IQGAP2: variants seen among roughly 807,000 people sequenced by gnomAD.
The protein encoded by IQGAP2 is IQ motif containing GTPase activating protein 2.
Under a neutral mutation model 201.3 loss-of-function variants are expected in IQGAP2, and 173 were observed. The ratio of observed to expected loss-of-function variants is 0.86; its 90% CI spans 0.76 to 0.98. The LOEUF is 0.98. IQGAP2 is among the 50% of genes least tolerant of loss of function. The pLI is 0.00. For synonymous variants in IQGAP2, 675 were observed against 673.9 expected, an observed-to-expected ratio of 1.00 and a Z score of -0.03; for missense variants, 1,687 against 1,864.8, an observed-to-expected ratio of 0.90 and a Z score of 1.76.
intron 1 of IQGAP2, among the ~76,000 whole-genome samples, chr5:76,406,759 C>T (rs1580124992): frequency 6.6e-6 from 1 of 152,292 alleles, no homozygotes; most frequent in South Asian, 2.1e-4. Flanking sequence ...CACTGATAAC[C>T]CAATCAACAC....
At chr5:76,531,537 G>A (rs542335625) in intron 2 of IQGAP2, among the ~76,000 whole-genome samples, 13 of 152,194 alleles carry the variant, frequency 8.5e-5, no homozygotes, top group African/African-American at 3.1e-4. Flanking sequence ...CCGTTATGAC[G>A]TCAATACCTC....
At chr5:76,410,390 T>A (rs2150070373) in intron 1 of IQGAP2, among the ~76,000 whole-genome samples, 1 of 152,316 alleles carries the variant, frequency 6.6e-6, no homozygotes, top group East Asian at 1.9e-4. Context: ...TACCTTCTTG[T>A]TCTTTGAGAT....
chr5:76,691,102 C>T (rs771883497), intron 30 of IQGAP2, among the ~76,000 whole-genome samples: 4 of 152,360 alleles, frequency 2.6e-5, no homozygotes, highest in Non-Finnish European at 5.9e-5. Flanking sequence ...TGTCCGTCCC[C>T]GTCGTCCTTA....
intron 2 of IQGAP2, among the ~76,000 whole-genome samples, chr5:76,476,161 G>A (rs938210802): frequency 1.3e-5 from 2 of 152,198 alleles, no homozygotes; most frequent in African/African-American, 4.8e-5. Flanking sequence ...GTGCCTGTGT[G>A]TGGTTGGAGT....
intron 28 of IQGAP2, among the ~76,000 whole-genome samples, chr5:76,682,053 GAAAGAAGAGA>G (rs1441932675): frequency 4.6e-5 from 7 of 152,282 alleles, no homozygotes; most frequent in African/African-American, 1.4e-4. Flanking sequence ...CTAGGGGATA[GAAAGAAGAGA>G]TAATGGAGAG....
At chr5:76,574,508 G>A (rs1436564359) in intron 4 of IQGAP2, among the ~76,000 whole-genome samples, 1 of 95,612 alleles carries the variant, frequency 1.0e-5, no homozygotes, top group Non-Finnish European at 1.9e-5. Context: ...GACCTCAGGT[G>A]ATCGCCTGCC....
chr5:76,496,755 T>G (rs1561416439), intron 2 of IQGAP2, among the ~76,000 whole-genome samples: 1 of 80,214 alleles, frequency 1.2e-5, no homozygotes, highest in African/African-American at 5.6e-5. Context: ...CTTTCTTTCT[T>G]TCTTTCTTTC....
At position 76,611,184 on chromosome 5, in the gene IQGAP2, G is replaced by A. The variant is rs926623022; in HGVS notation, c.1521+1G>A. The stretch of plus-strand genomic sequence containing the variant: ...CCATGCTAAATCACAGAAACTCGGA[G>A]TAAGTTTTAGTATATCTGTTTCTTT... On this transcript the variant is annotated splice_donor_variant, in intron 13 of 35. Coordinates refer to ENST00000274364, the MANE Select transcript of IQGAP2 (RefSeq NM_006633.5). LOFTEE classifies it high-confidence loss of function. 4 of 1,605,844 alleles carry A rather than the reference G, an allele frequency of 2.5e-6. No homozygotes were observed. Among genetic ancestry groups the A allele is most frequent in the Non-Finnish European group, 3.4e-6 (4 of 1,176,612 alleles).
chr5:76,496,692 T>C (rs1756907569), intron 2 of IQGAP2, among the ~76,000 whole-genome samples: 1 of 148,934 alleles, frequency 6.7e-6, no homozygotes, highest in South Asian at 2.2e-4. Flanking sequence ...ATATTTTTCT[T>C]TCTTTCTGTC....
In IQGAP2 at chr5:76,703,056, C is replaced by G. The variant is rs573134348; in HGVS notation, c.4614+466C>G. On this transcript the variant is annotated intron_variant, in intron 35 of 35. Coordinates refer to ENST00000274364, the MANE Select transcript of IQGAP2 (RefSeq NM_006633.5). ...ATTGAGAAGGGGTCTTGCTCTGTCG[C>G]CCAGGCTGGAATACAGTGGCATGTA... Among the ~76,000 whole-genome samples the G allele has an allele frequency of 7.5e-4, 101 of 134,062 alleles. 1 individual carries two copies. The highest frequency in any genetic ancestry group is 2.8e-3 in the African/African-American group (95 of 34,404). The allele number at this position is 134,062 out of a possible 152,430, so 87.9% of individuals were successfully genotyped here.
In IQGAP2 at chr5:76,618,305, G is replaced by T. The variant is rs771628536; in HGVS notation, c.1521+7122G>T. The T allele has an allele frequency of 1.9e-6, 3 of 1,614,122 alleles. No individual in the cohort carries two copies. The Admixed American group carries it at 5.0e-5, about 27-fold the overall frequency. ...AAAAAAGAAAATCTGCAATGGCCAG[G>T]TTGGTGTAGAATACAGTGGTACAGA... On this transcript the variant is annotated intron_variant, in intron 13 of 35. Coordinates refer to ENST00000274364, the MANE Select transcript of IQGAP2 (RefSeq NM_006633.5).
chr5:76,570,696 A>T (rs1223971146), intron 4 of IQGAP2, 39 bp downstream of exon 4: 1 of 1,325,334 alleles, frequency 7.5e-7, no homozygotes, highest in Admixed American at 1.7e-5. Context: ...TAGAAAGGCA[A>T]AGGGGTAGTA....
intron 1 of IQGAP2, among the ~76,000 whole-genome samples, chr5:76,444,557 C>T (rs1047102763): frequency 1.6e-4 from 25 of 152,154 alleles, no homozygotes; most frequent in African/African-American, 5.8e-4. Context: ...CCTTGGCCTC[C>T]CAAATTGCTG....
intron 30 of IQGAP2, among the ~76,000 whole-genome samples, chr5:76,692,311 C>T (rs1486174218): frequency 2.6e-5 from 4 of 152,140 alleles, no homozygotes; most frequent in Non-Finnish European, 5.9e-5. Context: ...GCCACCATGC[C>T]CAGCTAATTT....
intron 13 of IQGAP2, chr5:76,618,246 AGAT>A (rs751666384): frequency 1.6e-5 from 26 of 1,614,084 alleles, no homozygotes; most frequent in Admixed American, 5.0e-5. Flanking sequence ...GTTCCCATTG[AGAT>A]GATAAGCTAT....
intron 10 of IQGAP2, 132 bp downstream of exon 10, chr5:76,597,734 A>G: frequency 2.4e-6 from 2 of 817,142 alleles, no homozygotes; most frequent in South Asian, 3.4e-5. Context: ...TCACTGGCCC[A>G]CCTGTACCAA....
intron 1 of IQGAP2, among the ~76,000 whole-genome samples, chr5:76,435,507 T>C (rs1172612155): frequency 6.6e-6 from 1 of 152,230 alleles, no homozygotes; most frequent in Non-Finnish European, 1.5e-5. Flanking sequence ...TGGTTGAATT[T>C]GGCTTTGAGT....
intron 1 of IQGAP2, among the ~76,000 whole-genome samples, chr5:76,409,488 C>G (rs952658529): frequency 3.3e-5 from 5 of 152,042 alleles, no homozygotes; most frequent in Non-Finnish European, 7.4e-5. Context: ...CTCAAATGAT[C>G]TGCCTTCCTC....
intron 1 of IQGAP2, among the ~76,000 whole-genome samples, chr5:76,416,221 A>G (rs1048075175): frequency 6.6e-5 from 10 of 152,220 alleles, no homozygotes; most frequent in Non-Finnish European, 1.5e-4. Flanking sequence ...CACAGCCTGT[A>G]TAAAATAATA....
Sources: gnomAD v4.1 joint callset for allele counts (sites outside exome capture counted in the v4.1 genomes callset) on GRCh38, gnomAD v4.1.1 for gene constraint, MANE v1.5 for transcripts, NCBI Gene and HGNC (gene_info 2026-07-23, HGNC 2026-07-21) for gene names.